Variants in SDCCAG8 observed in about 807,000 individuals in gnomAD.
SDCCAG8 encodes the protein SHH signaling and ciliogenesis regulator SDCCAG8.
In SDCCAG8, 74 loss-of-function variants were observed where a neutral mutation model predicts 101.8. The ratio of observed to expected loss-of-function variants is 0.73; its 90% confidence interval spans 0.60 to 0.88. The LOEUF (loss-of-function observed/expected upper bound fraction) is 0.88, where lower values mean the gene tolerates loss of function less well. Among genes scored for constraint, SDCCAG8 ranks in the 40% least tolerant of loss-of-function variants. The pLI is 0.00. For missense variants in SDCCAG8, 787 were observed against 822.6 expected, an observed-to-expected ratio of 0.96 and a Z score of 0.53; for synonymous variants, 281 against 292.9, an observed-to-expected ratio of 0.96 and a Z score of 0.41.
chr1:243,425,053 C>T (rs994479306), intron 15 of SDCCAG8, among the ~76,000 whole-genome samples: 6 of 152,106 alleles, frequency 3.9e-5, no homozygotes, highest in East Asian at 1.9e-4. Context: ...AAAGGAGAAA[C>T]GTAAGTCATT....
chr1:243,467,943 G>A (rs1210848279), intron 16 of SDCCAG8, among the ~76,000 whole-genome samples: 1 of 152,140 alleles, frequency 6.6e-6, no homozygotes, highest in African/African-American at 2.4e-5. Flanking sequence ...CAGAAATTTG[G>A]TAAGGACAAG....
chr1:243,296,933 AC>A (rs2070987938), intron 6 of SDCCAG8, among the ~76,000 whole-genome samples: 1 of 151,844 alleles, frequency 6.6e-6, no homozygotes, highest in Non-Finnish European at 1.5e-5. Flanking sequence ...GGTTGATTAT[AC>A]CCTCCTCCTT....
rs948755923 is a variant in SDCCAG8, at chr1:243,308,184, A to C, written c.929+7A>C. ...CCATCGAAAGACTGGTTAAGTAAGT[A>C]TGCTTCTACGCGCACGGAGACTTTG... On this transcript the variant is annotated splice_region_variant and intron_variant, in intron 8 of 17. Coordinates refer to ENST00000366541, the MANE Select transcript of SDCCAG8 (RefSeq NM_006642.5). The C allele has an allele frequency of 6.2e-7, 1 of 1,614,002 alleles. No individual in the cohort carries two copies. The highest frequency in any genetic ancestry group is 1.3e-5 in the African/African-American group (1 of 74,964).
In SDCCAG8 at chr1:243,274,600, A is replaced by G. The variant is rs377473337; in HGVS notation, c.364A>G (p.Ile122Val). Reference protein sequence around the residue: ...MPTMHDLVHTINDQSQYIHHL... With the variant: ...MPTMHDLVHTVNDQSQYIHHL... ...TACTATGCACGACCTTGTTCATACTATTAATGACCAGTCTCAATATATTCA... is the reference window on the plus strand; with the variant it reads ...TACTATGCACGACCTTGTTCATACTGTTAATGACCAGTCTCAATATATTCA... The change falls in exon 4 of 18, where the codon ATT becomes GTT. Residue 122 changes from isoleucine to valine, a missense_variant. Coordinates refer to ENST00000366541, the MANE Select transcript of SDCCAG8 (RefSeq NM_006642.5). 15 of 1,612,054 alleles carry G rather than the reference A, an allele frequency of 9.3e-6. No homozygotes were observed. Among genetic ancestry groups the G allele is most frequent in the Non-Finnish European group, 1.2e-5 (14 of 1,178,546 alleles).
At chr1:243,283,368 T>C (rs1259631092) in intron 4 of SDCCAG8, among the ~76,000 whole-genome samples, 1 of 148,650 alleles carries the variant, frequency 6.7e-6, no homozygotes, top group East Asian at 2.0e-4. Flanking sequence ...GTTTCTTCTT[T>C]TCCTTTCTTT....
intron 12 of SDCCAG8, among the ~76,000 whole-genome samples, chr1:243,372,112 G>A (rs919121065): frequency 2.0e-5 from 3 of 152,036 alleles, no homozygotes; most frequent in Non-Finnish European, 2.9e-5. Context: ...TTTCTCCCAA[G>A]TGATAGATTA....
chr1:243,479,024 T>C (rs551275565), intron 16 of SDCCAG8, among the ~76,000 whole-genome samples: 16 of 151,578 alleles, frequency 1.1e-4, no homozygotes, highest in Admixed American at 8.5e-4. Flanking sequence ...TAGAGCGTGT[T>C]CCGGAAGCCT....
chr1:243,277,430 C>T (rs769201559), intron 4 of SDCCAG8, among the ~76,000 whole-genome samples: 13 of 152,188 alleles, frequency 8.5e-5, no homozygotes, highest in Non-Finnish European at 1.8e-4. Flanking sequence ...CTATATTCCA[C>T]CTATGTAACA....
chr1:243,433,584 G>A (rs2081945622), intron 16 of SDCCAG8, among the ~76,000 whole-genome samples: 1 of 152,194 alleles, frequency 6.6e-6, no homozygotes. Flanking sequence ...CTAGACAGGA[G>A]TTGGCTGCCC....
chr1:243,453,693 A>T (rs1013536506), intron 16 of SDCCAG8, among the ~76,000 whole-genome samples: 3 of 152,220 alleles, frequency 2.0e-5, no homozygotes, highest in Admixed American at 6.5e-5. Flanking sequence ...GGCTAAATAG[A>T]TTCTCTCAAC....
At chr1:243,470,017 A>C (rs1231343633) in intron 16 of SDCCAG8, among the ~76,000 whole-genome samples, 1 of 151,808 alleles carries the variant, frequency 6.6e-6, no homozygotes, top group Admixed American at 6.6e-5. Context: ...AAAGTATAGC[A>C]ACAGTAGAAT....
intron 12 of SDCCAG8, among the ~76,000 whole-genome samples, chr1:243,367,270 T>G (rs1489398639): frequency 6.6e-6 from 1 of 152,140 alleles, no homozygotes; most frequent in Non-Finnish European, 1.5e-5. Flanking sequence ...ACTACTTTTT[T>G]TATATGGAGA....
At chr1:243,398,761 ATC>A (rs1480309079) in intron 13 of SDCCAG8, among the ~76,000 whole-genome samples, 1 of 152,262 alleles carries the variant, frequency 6.6e-6, no homozygotes. Context: ...TGATAGTCAT[ATC>A]ACAAATTAAA....
intron 9 of SDCCAG8, among the ~76,000 whole-genome samples, chr1:243,328,445 A>G (rs1450089280): frequency 1.3e-5 from 2 of 151,004 alleles, no homozygotes; most frequent in African/African-American, 4.9e-5. Context: ...GGCTCAGCTA[A>G]TTTTCATATT....
chr1:243,274,510 T>G, intron 3 of SDCCAG8, 33 bp from the exon 4 acceptor site: 1 of 1,247,944 alleles, frequency 8.0e-7, no homozygotes, highest in African/African-American at 1.5e-5. Flanking sequence ...AATTTATGTA[T>G]TTATGTATTT....
intron 13 of SDCCAG8, among the ~76,000 whole-genome samples, chr1:243,406,423 C>T (rs1371081849): frequency 6.6e-6 from 1 of 152,180 alleles, no homozygotes; most frequent in Non-Finnish European, 1.5e-5. Flanking sequence ...TGCACTGAGG[C>T]TGTTCAGTCT....
chr1:243,355,555 A>G (rs1449235368), intron 12 of SDCCAG8, among the ~76,000 whole-genome samples: 1 of 152,198 alleles, frequency 6.6e-6, no homozygotes, highest in Non-Finnish European at 1.5e-5. Context: ...TACTCGAAAG[A>G]TTATTTCAAA....
At chr1:243,446,796 C>T (rs764735691) in intron 16 of SDCCAG8, among the ~76,000 whole-genome samples, 12 of 152,110 alleles carry the variant, frequency 7.9e-5, no homozygotes, top group Non-Finnish European at 1.8e-4. Context: ...TTTCAGGTGA[C>T]CTGCTGCCCA....
chr1:243,481,082 A>C lies in SDCCAG8; in HGVS notation c.1986-7932A>C, dbSNP rs114869774. Among the ~76,000 whole-genome samples, 1,401 of 152,130 alleles carry C rather than the reference A, an allele frequency of 9.2e-3. 26 individuals are homozygous for C. The highest frequency in any genetic ancestry group is 0.032 in the African/African-American group (1,323 of 41,472). On this transcript the variant is annotated intron_variant, in intron 16 of 17. Coordinates refer to ENST00000366541, the MANE Select transcript of SDCCAG8 (RefSeq NM_006642.5). ...AGTTTGAGGTGGGCTTGGAAATGCA[A>C]GAGAGAGGCCCGAGGCTGAGATCAA...
Sources: gnomAD v4.1 joint callset for allele counts (sites outside exome capture counted in the v4.1 genomes callset) on GRCh38, gnomAD v4.1.1 for gene constraint, MANE v1.5 for transcripts, NCBI Gene and HGNC (gene_info 2026-07-23, HGNC 2026-07-21) for gene names.